Variants in APEX1 observed in about 807,000 individuals in gnomAD.
APEX1 encodes the protein DNA repair nuclease/redox regulator APEX1.
A neutral mutation model predicts 33.2 loss-of-function variants in APEX1; 32 were observed. The ratio of observed to expected loss-of-function variants is 0.96; its 90% CI spans 0.73 to 1.29. The LOEUF (loss-of-function observed/expected upper bound fraction) is 1.29, where lower values mean the gene tolerates loss of function less well. Among genes scored for constraint, APEX1 ranks in the 50% most tolerant of loss-of-function variants. The pLI, the probability that APEX1 is intolerant of heterozygous loss-of-function variation, is 0.00. For synonymous variants in APEX1, 175 were observed against 156.6 expected, an observed-to-expected ratio of 1.12 and a Z score of -0.88; for missense variants, 442 against 395.6, an observed-to-expected ratio of 1.12 and a Z score of -0.99.
rs375605404 is a variant in APEX1 at position 20,456,700 on chromosome 14, C to A, written c.279C>A (p.Cys93Ter). 4 of 1,614,076 alleles carry A rather than the reference C, an allele frequency of 2.5e-6. No homozygotes were observed. The highest frequency in any genetic ancestry group is 3.3e-5 in the Admixed American group (2 of 60,010). Reference protein sequence around the residue: ...WVKEEAPDILCLQETKCSENK... With the variant: ...WVKEEAPDIL ...AGGAAGAAGCCCCAGATATACTGTG[C>A]CTTCAAGAGACCAAATGTTCAGAGA... Residue 93 changes from cysteine to a stop codon, truncating the protein, a stop_gained, in exon 4 of 5, where the codon TGC (cysteine) becomes TGA (stop). Transcript: ENST00000216714. LOFTEE classifies it high-confidence loss of function.
In APEX1 at chr14:20,457,549, C is replaced by T. The variant is rs764007376; in HGVS notation, c.*41C>T. 5 of 1,598,922 alleles carry T rather than the reference C, an allele frequency of 3.1e-6. No individual in the cohort carries two copies. In the African/African-American group the frequency reaches 6.7e-5, roughly 21 times the overall value. On this transcript the variant is annotated 3_prime_UTR_variant, in exon 5 of 5. Transcript: ENST00000216714. ...ACTTTGAGCCTGGGAAATAAGCCCC[C>T]TCAACTACCATTCCTTCTTTAAACA...
At position 20,456,339 on chromosome 14, in the gene APEX1, T is replaced by A. The variant is rs151095182; in HGVS notation, c.246+238T>A. Among the ~76,000 whole-genome samples, 9 of 152,356 alleles carry A rather than the reference T, an allele frequency of 5.9e-5. No individual in the cohort carries two copies. In the East Asian group the frequency reaches 1.7e-3, roughly 29 times the overall value. ...CAGAATGTTGCAAAAACCTCTTCAC[T>A]ATACTTCCTCCATTTTATCTTCCTG... On this transcript the variant is annotated intron_variant, in intron 3 of 4. Transcript: ENST00000216714.
chr14:20,456,567 G>A, intron 3 of APEX1, 101 bp from the exon 4 acceptor site: 5 of 1,146,500 alleles, frequency 4.4e-6, no homozygotes, highest in Non-Finnish European at 6.6e-6. Context: ...TAGGCCAAGA[G>A]ACTGTTTAAC....
intron 3 of APEX1, 119 bp from the exon 4 acceptor site, chr14:20,456,549 G>A (rs1193020298): frequency 1.5e-5 from 14 of 957,864 alleles, no homozygotes; most frequent in South Asian, 4.1e-5. Flanking sequence ...TGCTTGACTC[G>A]AACTCCTTAG....
intron 2 of APEX1, 54 bp downstream of exon 2, chr14:20,455,757 C>A: frequency 6.2e-7 from 1 of 1,614,032 alleles, no homozygotes; most frequent in South Asian, 1.1e-5. Flanking sequence ...GGGTGTTTGT[C>A]ATTCCCTTGA....
chr14:20,457,089 G>C lies in APEX1; in HGVS notation c.538G>C (p.Val180Leu). 1.2e-6 allele frequency: 2 copies of C among 1,614,210 alleles called. No homozygotes were observed. Among genetic ancestry groups the C allele is most frequent in the Non-Finnish European group, 1.7e-6 (2 of 1,180,038 alleles). ...AYVPNAGRGL[V>L]RLEYRQRWDE... The stretch of plus-strand genomic sequence containing the variant: ...TGTACCTAATGCAGGCCGAGGTCTG[G>C]TACGACTGGAGTACCGGCAGCGCTG... Residue 180 changes from valine (V) to leucine (L), a missense_variant, in exon 5 of 5, where the codon GTA becomes CTA. Val to Leu is a conservative substitution (Grantham distance 32). Coordinates refer to ENST00000216714, the MANE Select transcript of APEX1 (RefSeq NM_001641.4).
intron 3 of APEX1, 47 bp downstream of exon 3, chr14:20,456,148 C>T (rs1881330940): frequency 6.3e-7 from 1 of 1,597,970 alleles, no homozygotes; most frequent in South Asian, 1.1e-5. Flanking sequence ...ATTGAATGGT[C>T]TTAGGGTTTA....
chr14:20,456,169 T>G, intron 3 of APEX1, 68 bp downstream of exon 3: 1 of 1,561,254 alleles, frequency 6.4e-7, no homozygotes, highest in Non-Finnish European at 8.8e-7. Flanking sequence ...GTCACCCCTT[T>G]TCTCCGTTTA....
Position 20,456,067 on chromosome 14 carries a change from G to C in APEX1, c.212G>C (p.Gly71Ala), listed in dbSNP as rs772221516. ...AAGATCTGCTCTTGGAATGTGGATG[G>C]GCTTCGAGCCTGGATTAAGAAGAAA... ...TLKICSWNVD[G>A]LRAWIKKKGL... The change falls in exon 3 of 5, where the codon GGG becomes GCG. Residue 71 changes from glycine (G) to alanine (A), a missense_variant. Gly to Ala is a moderately conservative substitution (Grantham distance 60). Coordinates refer to ENST00000216714, the MANE Select transcript of APEX1 (RefSeq NM_001641.4). The C allele has an allele frequency of 6.2e-7, 1 of 1,614,244 alleles. No homozygotes were observed. The highest frequency in any genetic ancestry group is 1.7e-5 in the Admixed American group (1 of 60,036).
At chr14:20,455,741 C>T in intron 2 of APEX1, 38 bp downstream of exon 2, 2 of 1,614,102 alleles carry the variant, frequency 1.2e-6, no homozygotes, top group Non-Finnish European at 1.7e-6. Flanking sequence ...CTAGAAGCTG[C>T]GGCGGGGGTG....
rs564462170 is a variant in APEX1, at chr14:20,457,743, A to G, written c.*235A>G. 2.0e-4 allele frequency: 115 copies of G among 589,278 alleles called. 2 individuals carry two copies. In the South Asian group the frequency reaches 2.2e-3, roughly 11 times the overall value. 36.5% of individuals were successfully genotyped at this position (589,278 alleles called of 1,614,324 possible). A position where few individuals can be genotyped will look rare whatever the true frequency, so the allele number is the denominator to read the frequency against. The stretch of plus-strand genomic sequence containing the variant: ...TAATGACTTTGTTTGAATTATCCAC[A>G]TGAAAATAAAGAGCCATAGTTTCAG... On this transcript the variant is annotated 3_prime_UTR_variant, in exon 5 of 5. Transcript: ENST00000216714.
At chr14:20,455,522 TG>T (rs1881278204) in intron 1 of APEX1, 55 bp from the exon 2 acceptor site, 4 of 1,525,040 alleles carry the variant, frequency 2.6e-6, no homozygotes, top group Non-Finnish European at 3.6e-6. Context: ...GGGACGCTCT[TG>T]GGAGGAGTCT....
In APEX1 at chr14:20,457,638, C is replaced by T. The variant is rs1881473789; in HGVS notation, c.*130C>T. The T allele has an allele frequency of 6.7e-6, 9 of 1,336,108 alleles. No individual in the cohort carries two copies. Among genetic ancestry groups the T allele is most frequent in the Non-Finnish European group, 8.5e-6 (8 of 944,686 alleles). The allele number at this position is 1,336,108 out of a possible 1,614,324, so 82.8% of individuals were successfully genotyped here. A position where few individuals can be genotyped will look rare whatever the true frequency, so the allele number is the denominator to read the frequency against. The stretch of plus-strand genomic sequence containing the variant: ...AACTAGGAATCCTCCAACCAGGCTC[C>T]TGTGATAGAGTTCTTTTAAGCCCAA... On this transcript the variant is annotated 3_prime_UTR_variant, in exon 5 of 5. Coordinates refer to ENST00000216714, the MANE Select transcript of APEX1 (RefSeq NM_001641.4).
chr14:20,457,336 A>T lies in APEX1; in HGVS notation c.785A>T (p.Tyr262Phe), dbSNP rs1433487488. 1 of 1,614,192 alleles carries T rather than the reference A, an allele frequency of 6.2e-7. No homozygotes were observed. Among genetic ancestry groups the T allele is most frequent in the Non-Finnish European group, 8.5e-7 (1 of 1,180,018 alleles). Residue 262 changes from tyrosine (Y) to phenylalanine (F), a missense_variant, in exon 5 of 5, where the codon TAT (tyrosine) becomes TTT (phenylalanine). Tyr to Phe is a conservative substitution (Grantham distance 22). Transcript: ENST00000216714. ...AGGCACCTCTACCCCAACACACCCTATGCCTACACCTTTTGGACTTATATG... is the reference window on the plus strand; with the variant it reads ...AGGCACCTCTACCCCAACACACCCTTTGCCTACACCTTTTGGACTTATATG... ...SFRHLYPNTP[Y>F]AYTFWTYMMN...
Position 20,455,991 on chromosome 14 carries a change from G to A in APEX1, c.136G>A (p.Glu46Lys), listed in dbSNP as rs749166265. ...EAAGEGPALYEDPPDQKTSPS... is the reference protein window; with the variant it reads ...EAAGEGPALYKDPPDQKTSPS... ...AGCAGGAGAGGGCCCAGCCCTGTAT[G>A]AGGACCCCCCAGATCAGAAAACCTC... Residue 46 changes from glutamate (E) to lysine (K), a missense_variant, in exon 3 of 5, where the codon GAG becomes AAG. By Grantham distance (56) the Glu-to-Lys change is moderately conservative. Transcript: ENST00000216714. 2.6e-5 allele frequency: 42 copies of A among 1,614,210 alleles called. No homozygotes were observed. In the South Asian group the frequency reaches 4.6e-4, roughly 18 times the overall value.
chr14:20,455,283 G>C lies in APEX1; in HGVS notation c.-180G>C. The C allele has an allele frequency of 2.4e-6, 1 of 416,978 alleles. No individual in the cohort carries two copies. Among genetic ancestry groups the C allele is most frequent in the South Asian group, 2.3e-5 (1 of 44,094 alleles). 25.8% of individuals were successfully genotyped at this position (416,978 alleles called of 1,614,324 possible). ...TGCCATCGGGCCGGTGCAGATACGG[G>C]GTTGCTCTTTTGCTCATAAGAGGGG... On this transcript the variant is annotated 5_prime_UTR_variant, in exon 1 of 5. Transcript: ENST00000216714.
At position 20,457,092 on chromosome 14, in the gene APEX1, C is replaced by A; in HGVS notation, c.541C>A (p.Arg181=). Residue 181 remains arginine (R), a synonymous_variant, in exon 5 of 5, where the codon CGA becomes AGA. Coordinates refer to ENST00000216714, the MANE Select transcript of APEX1 (RefSeq NM_001641.4). ...YVPNAGRGLV[R]LEYRQRWDEA... is the part of the protein sequence containing the mutation. ...ACCTAATGCAGGCCGAGGTCTGGTA[C>A]GACTGGAGTACCGGCAGCGCTGGGA... is the stretch of plus-strand genomic sequence containing the variant. The A allele has an allele frequency of 6.2e-7, 1 of 1,614,166 alleles. No individual in the cohort carries two copies. Among genetic ancestry groups the A allele is most frequent in the Non-Finnish European group, 8.5e-7 (1 of 1,180,020 alleles).
intron 2 of APEX1, 24 bp from the exon 3 acceptor site, chr14:20,455,890 C>T (rs1429555042): frequency 6.2e-7 from 1 of 1,613,792 alleles, no homozygotes; most frequent in South Asian, 1.1e-5. Flanking sequence ...AGCTTTTTGT[C>T]AGTATATATT....
intron 4 of APEX1, 31 bp from the exon 5 acceptor site, chr14:20,456,947 CTTTTCTTATAGTT>C: frequency 3.7e-6 from 6 of 1,606,408 alleles, no homozygotes; most frequent in Non-Finnish European, 5.1e-6. Flanking sequence ...ATTGCTTTCC[CTTTTCTTATAGTT>C]TTTTATGCTA....
Sources: allele counts gnomAD v4.1 joint callset (sites outside exome capture counted in the v4.1 genomes callset), GRCh38; gene constraint gnomAD v4.1.1; transcripts MANE v1.5; gene names NCBI Gene and HGNC (gene_info 2026-07-23, HGNC 2026-07-21).